The following TXNRD1 variants were observed in gnomAD, a reference collection of about 807,000 sequenced individuals.
The protein encoded by TXNRD1 is thioredoxin reductase 1.
In TXNRD1, 57 loss-of-function variants were observed where a neutral mutation model predicts 80.3. That is an observed-to-expected ratio of 0.71 (90% CI 0.57 to 0.89). The LOEUF (loss-of-function observed/expected upper bound fraction) is 0.89, where lower values mean the gene tolerates loss of function less well. TXNRD1 is among the 40% of genes least tolerant of loss of function. The pLI is 0.00. For missense variants in TXNRD1, 730 were observed against 803.0 expected, an observed-to-expected ratio of 0.91 and a Z score of 1.10; for synonymous variants, 291 against 285.2, an observed-to-expected ratio of 1.02 and a Z score of -0.20.
rs538046454 is a variant in TXNRD1 at position 104,327,500 on chromosome 12, T to C, written c.1386-15T>C. On this transcript the variant is annotated splice_polypyrimidine_tract_variant and intron_variant, in intron 12 of 16. Coordinates refer to ENST00000525566, the MANE Select transcript of TXNRD1 (RefSeq NM_001093771.3). ...ATGGTAATTAATGATGATTTTTAACTGAATAAAATTGCAGGACTGGAAAAA... is the reference window on the plus strand; with the variant it reads ...ATGGTAATTAATGATGATTTTTAACCGAATAAAATTGCAGGACTGGAAAAA... 2 of 1,599,426 alleles carry C rather than the reference T, an allele frequency of 1.3e-6. No individual in the cohort carries two copies. The highest frequency in any genetic ancestry group is 1.3e-5 in the African/African-American group (1 of 74,608).
chr12:104,339,068 T>G (rs2036238189), intron 15 of TXNRD1, 71 bp from the exon 16 acceptor site: 2 of 1,580,786 alleles, frequency 1.3e-6, no homozygotes, highest in Non-Finnish European at 1.7e-6. Context: ...GGAGAAATGC[T>G]CTAAGCTGTG....
intron 6 of TXNRD1, among the ~76,000 whole-genome samples, chr12:104,315,170 T>G (rs984837883): frequency 6.6e-6 from 1 of 152,184 alleles, no homozygotes; most frequent in Non-Finnish European, 1.5e-5. Flanking sequence ...TGAATTACAA[T>G]GGGGGACTAC....
At chr12:104,326,231 AT>A in intron 11 of TXNRD1, 115 bp from the exon 12 acceptor site, 2 of 704,650 alleles carry the variant, frequency 2.8e-6, no homozygotes, top group Non-Finnish European at 4.7e-6. Flanking sequence ...TGAAATATTT[AT>A]TTCCAAGTTT....
intron 3 of TXNRD1, among the ~76,000 whole-genome samples, chr12:104,270,919 G>T (rs1333015994): frequency 6.6e-6 from 1 of 151,930 alleles, no homozygotes; most frequent in Non-Finnish European, 1.5e-5. Context: ...GAGGCCGAGG[G>T]GGGTGGATCA....
chr12:104,297,585 G>A (rs942737173), intron 4 of TXNRD1, among the ~76,000 whole-genome samples: 3 of 151,920 alleles, frequency 2.0e-5, no homozygotes, highest in Non-Finnish European at 1.5e-5. Context: ...GGCTGGTCTC[G>A]AACTCCTGAC....
chr12:104,339,692 A>G (rs1456660001), intron 16 of TXNRD1, among the ~76,000 whole-genome samples: 1 of 152,252 alleles, frequency 6.6e-6, no homozygotes, highest in East Asian at 1.9e-4. Context: ...ATCAAATGAC[A>G]GTAGAACTAG....
At chr12:104,224,999 T>C (rs1405684849) in intron 1 of TXNRD1, 2 of 420,444 alleles carry the variant, frequency 4.8e-6, no homozygotes, top group East Asian at 1.4e-4. Context: ...GTAATACAGT[T>C]TTTTTGAAAG....
intron 10 of TXNRD1, 59 bp from the exon 11 acceptor site, chr12:104,325,278 T>C (rs2035716588): frequency 1.4e-5 from 19 of 1,353,192 alleles, no homozygotes; most frequent in Non-Finnish European, 1.4e-5. Context: ...AAGGGGAAGG[T>C]AGAGAATCCA....
At chr12:104,331,670 TTA>T (rs781409833) in intron 14 of TXNRD1, 29 bp downstream of exon 14, 8 of 1,422,864 alleles carry the variant, frequency 5.6e-6, no homozygotes, top group Non-Finnish European at 7.8e-6. Context: ...TTCTCCTATG[TTA>T]TATCACTACT....
intron 9 of TXNRD1, among the ~76,000 whole-genome samples, chr12:104,320,693 G>A (rs993876891): frequency 6.6e-6 from 1 of 151,626 alleles, no homozygotes; most frequent in African/African-American, 2.4e-5. Context: ...ATAATAATTG[G>A]TGTTTCAGCT....
At chr12:104,222,163 G>A (rs991351231) in intron 1 of TXNRD1, among the ~76,000 whole-genome samples, 2 of 152,150 alleles carry the variant, frequency 1.3e-5, no homozygotes, top group African/African-American at 2.4e-5. Flanking sequence ...GTGATTGCAG[G>A]TAAATATGGT....
intron 3 of TXNRD1, chr12:104,286,761 C>T: frequency 5.9e-6 from 6 of 1,023,372 alleles, no homozygotes; most frequent in Non-Finnish European, 7.0e-6. Flanking sequence ...TCAGTAAAAA[C>T]ACACTTATTC....
intron 14 of TXNRD1, 173 bp from the exon 15 acceptor site, chr12:104,334,064 A>G (rs2036050670): frequency 5.4e-6 from 2 of 372,550 alleles, no homozygotes; most frequent in Non-Finnish European, 9.6e-6. Context: ...AGTGCCTGAC[A>G]GCAAGGAGTT....
At chr12:104,304,641 C>T (rs745850351) in intron 4 of TXNRD1, 6 of 1,613,754 alleles carry the variant, frequency 3.7e-6, no homozygotes, top group African/African-American at 1.3e-5. Context: ...CGAAAGTATC[C>T]TGATACTCCT....
chr12:104,341,858 A>C (rs894688834), intron 16 of TXNRD1, among the ~76,000 whole-genome samples: 2 of 152,184 alleles, frequency 1.3e-5, no homozygotes, highest in African/African-American at 4.8e-5. Context: ...CCAGCTATAA[A>C]GTCAAGGGGT....
intron 2 of TXNRD1, among the ~76,000 whole-genome samples, chr12:104,254,630 GA>G (rs760022093): frequency 1.9e-3 from 33 of 17,288 alleles, no homozygotes; most frequent in African/African-American, 5.5e-3. Flanking sequence ...TATGTCTATG[GA>G]AAAAAAAAAA....
chr12:104,288,153 A>G (rs549034571), intron 3 of TXNRD1, among the ~76,000 whole-genome samples: 5 of 151,888 alleles, frequency 3.3e-5, no homozygotes, highest in African/African-American at 1.2e-4. Flanking sequence ...ACCGCGCCCG[A>G]CTAATTTTTG....
intron 1 of TXNRD1, among the ~76,000 whole-genome samples, chr12:104,244,929 T>G (rs2032944826): frequency 6.6e-6 from 1 of 152,184 alleles, no homozygotes; most frequent in African/African-American, 2.4e-5. Context: ...TGTCCCTGTA[T>G]CTAGAAAGGT....
At chr12:104,301,503 A>G (rs1030960204) in intron 4 of TXNRD1, among the ~76,000 whole-genome samples, 2 of 151,988 alleles carry the variant, frequency 1.3e-5, no homozygotes, top group African/African-American at 4.8e-5. Context: ...ACGCCCGGCT[A>G]ATTTTTTGTA....
Sources: allele counts gnomAD v4.1 joint callset (sites outside exome capture counted in the v4.1 genomes callset), GRCh38; gene constraint gnomAD v4.1.1; transcripts MANE v1.5; gene names NCBI Gene and HGNC (gene_info 2026-07-23, HGNC 2026-07-21).